RNF150: variants seen among roughly 807,000 people sequenced by gnomAD.
RNF150 encodes ring finger protein 150.
RNF150 carries 24 observed loss-of-function variants against 39.3 expected under a neutral mutation model. The ratio of observed to expected loss-of-function variants is 0.61; its 90% CI spans 0.44 to 0.86. The LOEUF (loss-of-function observed/expected upper bound fraction) is 0.86, where lower values mean the gene tolerates loss of function less well. Ranked by LOEUF, RNF150 falls within the 40% of genes least tolerant of loss-of-function variation. The pLI, the probability that RNF150 is intolerant of heterozygous loss-of-function variation, is 0.00. For missense variants in RNF150, 502 were observed against 587.8 expected, an observed-to-expected ratio of 0.85 and a Z score of 1.51; for synonymous variants, 255 against 227.3, an observed-to-expected ratio of 1.12 and a Z score of -1.10.
In RNF150 at chr4:140,862,929, G is replaced by C. The variant is rs1164790688; in HGVS notation, c.*5332C>G. On this transcript the variant is annotated 3_prime_UTR_variant, in exon 7 of 7. Transcript: ENST00000515673. ...CATCCTCTTTTCTTACTTCCTGCAG[G>C]GTGACACTCCCATCCCATTTTAACT... 6.6e-6 allele frequency: 1 copy of C among 151,422 alleles called. No individual in the cohort carries two copies. The allele number at this position is 151,422 out of a possible 1,614,324, so 9.4% of individuals were successfully genotyped here.
intron 6 of RNF150, among the ~76,000 whole-genome samples, chr4:140,887,537 T>C (rs1729622744): frequency 6.6e-6 from 1 of 152,224 alleles, no homozygotes; most frequent in African/African-American, 2.4e-5. Context: ...TCTGTAATAT[T>C]CTATTTCTTC....
intron 6 of RNF150, among the ~76,000 whole-genome samples, chr4:140,907,247 C>T (rs750520030): frequency 2.0e-5 from 3 of 152,154 alleles, no homozygotes; most frequent in Non-Finnish European, 4.4e-5. Context: ...ATACAAATGA[C>T]CACTCACATG....
At chr4:141,073,649 T>A (rs1241288866) in intron 1 of RNF150, among the ~76,000 whole-genome samples, 2 of 118,724 alleles carry the variant, frequency 1.7e-5, no homozygotes, top group African/African-American at 2.8e-5. Flanking sequence ...CAGCAATTAA[T>A]ACAATATCAA....
At chr4:141,130,891 T>C (rs1013914752) in intron 1 of RNF150, among the ~76,000 whole-genome samples, 2 of 152,248 alleles carry the variant, frequency 1.3e-5, no homozygotes, top group Non-Finnish European at 2.9e-5. Flanking sequence ...TAGAAAACTG[T>C]CGAGCTCAAG....
intron 1 of RNF150, among the ~76,000 whole-genome samples, chr4:140,990,925 T>C (rs1209680845): frequency 6.6e-6 from 1 of 152,206 alleles, no homozygotes; most frequent in Non-Finnish European, 1.5e-5. Flanking sequence ...TCTTTCACAA[T>C]GGCTGAAGTA....
intron 1 of RNF150, among the ~76,000 whole-genome samples, chr4:141,003,566 T>TACACACACAC (rs70946725): frequency 0.011 from 1,523 of 142,540 alleles, 19 homozygotes; most frequent in Middle Eastern, 0.044. Flanking sequence ...CCCTAGCACG[T>TACACACACAC]ACACACACAC....
At chr4:141,131,311 A>G (rs975229946) in intron 1 of RNF150, among the ~76,000 whole-genome samples, 5 of 152,270 alleles carry the variant, frequency 3.3e-5, no homozygotes, top group African/African-American at 1.2e-4. Flanking sequence ...CCTTCCGGGC[A>G]CTGGATGCCA....
chr4:140,921,264 A>C (rs747794438), intron 5 of RNF150, among the ~76,000 whole-genome samples: 1 of 151,836 alleles, frequency 6.6e-6, no homozygotes, highest in Non-Finnish European at 1.5e-5. Context: ...AAATAGACAC[A>C]ATAAAAAATG....
At chr4:141,177,216 T>A (rs1049003381) in intron 1 of RNF150, among the ~76,000 whole-genome samples, 1 of 152,012 alleles carries the variant, frequency 6.6e-6, no homozygotes. Context: ...CTGGCAACAG[T>A]AAGACCTTAT....
At position 140,925,976 on chromosome 4, in the gene RNF150, C is replaced by T. The variant is rs145026998; in HGVS notation, c.987+1G>A. ...AATGCTGTAGGCTGTGCTGTGCTTA[C>T]CGGGATCCCTAGGGCTTTAAGAATG... On this transcript the variant is annotated splice_donor_variant, in intron 5 of 6. Transcript: ENST00000515673. LOFTEE classifies it high-confidence loss of function. The T allele has an allele frequency of 1.2e-6, 2 of 1,605,918 alleles. No individual in the cohort carries two copies. Among genetic ancestry groups the T allele is most frequent in the Non-Finnish European group, 1.7e-6 (2 of 1,172,522 alleles).
At chr4:141,088,449 C>CA (rs1239105963) in intron 1 of RNF150, among the ~76,000 whole-genome samples, 1 of 152,152 alleles carries the variant, frequency 6.6e-6, no homozygotes, top group Non-Finnish European at 1.5e-5. Context: ...TAGATATTAG[C>CA]ATGACAACTT....
chr4:141,164,917 C>T (rs1000866679), intron 1 of RNF150, among the ~76,000 whole-genome samples: 2 of 152,186 alleles, frequency 1.3e-5, no homozygotes, highest in African/African-American at 4.8e-5. Context: ...CAGCTAACAT[C>T]ATAATGACAG....
chr4:140,919,020 T>C (rs1348081353), intron 5 of RNF150, among the ~76,000 whole-genome samples: 3 of 152,002 alleles, frequency 2.0e-5, no homozygotes, highest in African/African-American at 4.8e-5. Context: ...AAGTTAGGTA[T>C]TGATGGGACG....
chr4:141,136,681 A>G (rs926626537), upstream of RNF150, among the ~76,000 whole-genome samples: 9 of 152,226 alleles, frequency 5.9e-5, no homozygotes, highest in African/African-American at 2.2e-4. Flanking sequence ...CTGTTAACGC[A>G]TTGGTGTTAC....
intron 1 of RNF150, among the ~76,000 whole-genome samples, chr4:141,152,571 A>G (rs1296350847): frequency 3.3e-5 from 5 of 152,168 alleles, no homozygotes; most frequent in African/African-American, 1.2e-4. Flanking sequence ...GCATTCTGTC[A>G]ATTGTAGTGG....
chr4:140,870,857 TA>T (rs35496093), intron 6 of RNF150, among the ~76,000 whole-genome samples: 26 of 150,026 alleles, frequency 1.7e-4, no homozygotes, highest in Non-Finnish European at 2.1e-4. Flanking sequence ...GCTCTGTCTT[TA>T]AAAAAAAAAT....
At chr4:140,899,079 T>C (rs1442488540) in intron 6 of RNF150, among the ~76,000 whole-genome samples, 1 of 152,146 alleles carries the variant, frequency 6.6e-6, no homozygotes, top group Non-Finnish European at 1.5e-5. Context: ...CCCTGTATGA[T>C]TTTACTAATG....
At chr4:140,898,395 G>A (rs1221790659) in intron 6 of RNF150, among the ~76,000 whole-genome samples, 1 of 151,778 alleles carries the variant, frequency 6.6e-6, no homozygotes, top group Non-Finnish European at 1.5e-5. Flanking sequence ...GCTGAGACAT[G>A]GCTAACTACT....
chr4:140,896,705 A>AAC (rs1446132340), intron 6 of RNF150, among the ~76,000 whole-genome samples: 10 of 85,572 alleles, frequency 1.2e-4, no homozygotes, highest in Non-Finnish European at 2.2e-4. Context: ...AAAAAACAAA[A>AAC]AAACAAACAA....
Sources: gnomAD v4.1 joint callset for allele counts (sites outside exome capture counted in the v4.1 genomes callset) on GRCh38, gnomAD v4.1.1 for gene constraint, MANE v1.5 for transcripts, NCBI Gene and HGNC (gene_info 2026-07-23, HGNC 2026-07-21) for gene names.